ROBO2: variants seen among roughly 807,000 people sequenced by gnomAD.
ROBO2 encodes the protein roundabout guidance receptor 2, also known as roundabout homolog 2.
In ROBO2, 53 loss-of-function variants were observed where a neutral mutation model predicts 160.8. The ratio of observed to expected loss-of-function variants is 0.33; its 90% CI spans 0.26 to 0.41. ROBO2 has a LOEUF of 0.41. Among genes scored for constraint, ROBO2 ranks in the 10% least tolerant of loss-of-function variants. The pLI, the probability that ROBO2 is intolerant of heterozygous loss-of-function variation, is 1.00. For missense variants in ROBO2, 1,577 were observed against 1,722.4 expected (o/e 0.92, Z 1.49); for synonymous variants, 664 against 611.7 (o/e 1.09, Z -1.26).
chr3:77,028,121 A>T (rs192451701), intron 2 of ROBO2, among the ~76,000 whole-genome samples: 1 of 152,004 alleles, frequency 6.6e-6, no homozygotes, highest in Admixed American at 6.6e-5. Flanking sequence ...TGGCAAATCA[A>T]CAAGGAATTG....
chr3:77,520,127 G>A (rs76357223), intron 5 of ROBO2, among the ~76,000 whole-genome samples: 1 of 151,186 alleles, frequency 6.6e-6, no homozygotes, highest in South Asian at 2.1e-4. Flanking sequence ...TGTCTCTAAT[G>A]TGAAGTAAAA....
intron 2 of ROBO2, among the ~76,000 whole-genome samples, chr3:76,991,396 G>A (rs183115776): frequency 2.9e-4 from 44 of 152,236 alleles, no homozygotes; most frequent in African/African-American, 1.0e-3. Flanking sequence ...AGTATGCATT[G>A]TTTTCTAGTT....
chr3:77,205,511 A>G (rs2083345554), intron 2 of ROBO2, among the ~76,000 whole-genome samples: 1 of 151,882 alleles, frequency 6.6e-6, no homozygotes, highest in Non-Finnish European at 1.5e-5. Context: ...TGGGTACAGG[A>G]TGGGGGGACA....
chr3:76,437,522 C>T (rs1183984689), intron 2 of ROBO2, among the ~76,000 whole-genome samples: 1 of 152,146 alleles, frequency 6.6e-6, no homozygotes, highest in Non-Finnish European at 1.5e-5. Flanking sequence ...ATTGAAATGT[C>T]ACATGTGAAT....
chr3:77,324,736 C>G (rs1441774368), intron 2 of ROBO2, among the ~76,000 whole-genome samples: 2 of 146,540 alleles, frequency 1.4e-5, no homozygotes, highest in Non-Finnish European at 3.0e-5. Flanking sequence ...GAGCCGAGAT[C>G]GCGCCACTGC....
intron 2 of ROBO2, among the ~76,000 whole-genome samples, chr3:77,448,672 C>T (rs1034592981): frequency 4.0e-5 from 6 of 151,066 alleles, no homozygotes; most frequent in African/African-American, 1.5e-4. Context: ...ATTATTGAAT[C>T]GAAATGAAGT....
rs534614847 is a variant in ROBO2 at position 77,334,671 on chromosome 3, G to A, written c.389-142743G>A. On this transcript the variant is annotated intron_variant, in intron 2 of 25. Coordinates refer to ENST00000461745, the Ensembl canonical transcript of ROBO2. ...AGGCAATAGCTCTCTAGTAGTGCTTGGGGTAGTGACAGATACTTTCAAGAC... is the reference window on the plus strand; with the variant it reads ...AGGCAATAGCTCTCTAGTAGTGCTTAGGGTAGTGACAGATACTTTCAAGAC... 3.3e-5 allele frequency among the ~76,000 whole-genome samples: 5 copies of A among 152,254 alleles called. No individual in the cohort carries two copies. In the East Asian group the frequency reaches 9.7e-4, roughly 29 times the overall value.
intron 2 of ROBO2, among the ~76,000 whole-genome samples, chr3:76,093,837 C>A (rs2108112393): frequency 6.6e-6 from 1 of 152,206 alleles, no homozygotes; most frequent in South Asian, 2.1e-4. Flanking sequence ...TTTTATACTA[C>A]TTCTGTGTTA....
chr3:76,315,234 T>C (rs1383256827), intron 2 of ROBO2, among the ~76,000 whole-genome samples: 2 of 152,186 alleles, frequency 1.3e-5, no homozygotes, highest in Non-Finnish European at 2.9e-5. Context: ...ATCTCACTTA[T>C]GACATGAGAG....
chr3:76,009,124 A>G (rs988907618), intron 2 of ROBO2, among the ~76,000 whole-genome samples: 13 of 151,920 alleles, frequency 8.6e-5, no homozygotes, highest in Admixed American at 3.9e-4. Context: ...TGTTTTTGAG[A>G]CTGAGTCTTG....
intron 2 of ROBO2, among the ~76,000 whole-genome samples, chr3:76,105,824 G>A (rs1325586446): frequency 6.6e-6 from 1 of 151,830 alleles, no homozygotes; most frequent in Non-Finnish European, 1.5e-5. Context: ...ATGGATCAAA[G>A]GATTTTCAGC....
chr3:77,576,133 C>T (rs975173182), intron 14 of ROBO2, among the ~76,000 whole-genome samples: 9 of 152,088 alleles, frequency 5.9e-5, no homozygotes, highest in African/African-American at 2.2e-4. Flanking sequence ...ATGCATTCTA[C>T]TTAATAACTA....
intron 2 of ROBO2, among the ~76,000 whole-genome samples, chr3:76,639,815 T>A (rs757942060): frequency 3.3e-5 from 5 of 152,056 alleles, no homozygotes; most frequent in African/African-American, 9.7e-5. Context: ...AAAGGGAAAA[T>A]TTCCCCACAC....
intron 2 of ROBO2, among the ~76,000 whole-genome samples, chr3:76,896,272 T>C (rs1306033652): frequency 6.6e-6 from 1 of 152,140 alleles, no homozygotes; most frequent in East Asian, 1.9e-4. Context: ...GCCATAAGGG[T>C]TAAAACTACT....
rs981349281 is a variant in ROBO2, at chr3:77,092,380, G to A, written c.62-5634G>A. Among the ~76,000 whole-genome samples, 20 of 151,858 alleles carry A rather than the reference G, an allele frequency of 1.3e-4. No individual in the cohort carries two copies. The South Asian group carries it at 3.3e-3, about 25-fold the overall frequency. On this transcript the variant is annotated intron_variant, in intron 1 of 25. Transcript: ENST00000461745. ...AAGCCTGGCACATTTTGGATTAAAG[G>A]TCATGAGTTCTAATTCTGCTTCTCC...
intron 2 of ROBO2, among the ~76,000 whole-genome samples, chr3:77,140,925 T>G (rs2076652724): frequency 6.6e-6 from 1 of 152,216 alleles, no homozygotes. Flanking sequence ...TCCTCACTTC[T>G]CACTTGTTTA....
intron 2 of ROBO2, among the ~76,000 whole-genome samples, chr3:77,003,966 A>G (rs1285839424): frequency 4.6e-5 from 7 of 152,254 alleles, no homozygotes; most frequent in African/African-American, 9.6e-5. Flanking sequence ...TTTATTATGA[A>G]CATGGCAGTC....
chr3:76,095,618 C>A (rs2069409199), intron 2 of ROBO2, among the ~76,000 whole-genome samples: 1 of 151,970 alleles, frequency 6.6e-6, no homozygotes, highest in Admixed American at 6.6e-5. Flanking sequence ...TTAGGGTCCA[C>A]TGAATATCTA....
chr3:75,967,652 A>G (rs1949165231), intron 2 of ROBO2, among the ~76,000 whole-genome samples: 1 of 151,598 alleles, frequency 6.6e-6, no homozygotes, highest in Non-Finnish European at 1.5e-5. Context: ...GTTAGAAGGC[A>G]TGGAGGAATC....
Sources: allele counts gnomAD v4.1 joint callset (sites outside exome capture counted in the v4.1 genomes callset), GRCh38; gene constraint gnomAD v4.1.1; transcripts MANE v1.5; gene names NCBI Gene and HGNC (gene_info 2026-07-23, HGNC 2026-07-21).